The following NIPAL2 variants were observed in gnomAD, a reference collection of about 807,000 sequenced individuals.
The protein encoded by NIPAL2 is NIPA-like protein 2.
A neutral mutation model predicts 48.9 loss-of-function variants in NIPAL2; 43 were observed. The ratio of observed to expected loss-of-function variants is 0.88; its 90% CI spans 0.69 to 1.13. The LOEUF (loss-of-function observed/expected upper bound fraction) is 1.13. Among genes scored for constraint, NIPAL2 ranks in the 50% most tolerant of loss-of-function variants. The pLI is 0.00. For missense variants in NIPAL2, 446 were observed against 461.4 expected, an observed-to-expected ratio of 0.97 and a Z score of 0.31; for synonymous variants, 167 against 174.6, an observed-to-expected ratio of 0.96 and a Z score of 0.34.
chr8:98,269,644 T>C (rs1293982302), intron 1 of NIPAL2, among the ~76,000 whole-genome samples: 1 of 152,082 alleles, frequency 6.6e-6, no homozygotes, highest in Non-Finnish European at 1.5e-5. Context: ...TTATTTTTGG[T>C]TATTGTTTTT....
intron 8 of NIPAL2, among the ~76,000 whole-genome samples, chr8:98,201,789 A>G (rs1473365864): frequency 6.6e-6 from 1 of 152,244 alleles, no homozygotes; most frequent in Non-Finnish European, 1.5e-5. Flanking sequence ...GTCATGGGAT[A>G]GAATATTTTC....
chr8:98,216,907 G>A, intron 5 of NIPAL2: 1 of 367,020 alleles, frequency 2.7e-6, no homozygotes, highest in African/African-American at 2.2e-5. Flanking sequence ...GGGCCTCATG[G>A]TCAAATAAGC....
chr8:98,193,478 C>G, intron 10 of NIPAL2: 2 of 1,496,888 alleles, frequency 1.3e-6, no homozygotes, highest in Non-Finnish European at 1.9e-6. Context: ...ACTTCTAAAG[C>G]TACTACGGAG....
chr8:98,227,684 C>A (rs902525448), intron 4 of NIPAL2, among the ~76,000 whole-genome samples: 2 of 152,190 alleles, frequency 1.3e-5, no homozygotes, highest in African/African-American at 4.8e-5. Context: ...AGAAAGGAGG[C>A]TCTCCCAGAG....
At chr8:98,222,235 G>A (rs1042804355) in intron 5 of NIPAL2, among the ~76,000 whole-genome samples, 5 of 152,082 alleles carry the variant, frequency 3.3e-5, no homozygotes, top group Non-Finnish European at 7.4e-5. Flanking sequence ...TTCCTAAAAC[G>A]TATTGCTCTG....
intron 9 of NIPAL2, among the ~76,000 whole-genome samples, chr8:98,195,374 A>G (rs1189550692): frequency 6.6e-6 from 1 of 152,076 alleles, no homozygotes; most frequent in African/African-American, 2.4e-5. Flanking sequence ...GAAGTGCCTC[A>G]TGGAGTCATG....
At chr8:98,267,234 C>G (rs1323885804) in intron 1 of NIPAL2, among the ~76,000 whole-genome samples, 2 of 151,600 alleles carry the variant, frequency 1.3e-5, no homozygotes, top group Non-Finnish European at 2.9e-5. Context: ...GCTGTAGAAC[C>G]AGAAATAAAA....
chr8:98,280,277 C>T (rs1179723657), intron 1 of NIPAL2, among the ~76,000 whole-genome samples: 1 of 152,188 alleles, frequency 6.6e-6, no homozygotes, highest in Non-Finnish European at 1.5e-5. Context: ...CAGAAAAGCA[C>T]CACAGATTCT....
chr8:98,222,538 C>G lies in NIPAL2; in HGVS notation c.499G>C (p.Ala167Pro), dbSNP rs768556482. ...LVNFAPNITQAISARTVQYYL... is the reference protein window; with the variant it reads ...LVNFAPNITQPISARTVQYYL... ...TACTGTACTGTTCTTGCTGAGATTG[C>G]CTGAGTTATATTTGGAGCAAAGTTC... The change falls in exon 5 of 11, where the codon GCA becomes CCA. Residue 167 changes from alanine (A) to proline (P), a missense_variant. By Grantham distance (27) the Ala-to-Pro change is conservative. Transcript: ENST00000430223. 2 of 1,614,002 alleles carry G rather than the reference C, an allele frequency of 1.2e-6. No homozygotes were observed. Among genetic ancestry groups the G allele is most frequent in the African/African-American group, 1.3e-5 (1 of 75,040 alleles).
intron 8 of NIPAL2, 98 bp downstream of exon 8, chr8:98,203,010 G>A (rs1586298121): frequency 1.1e-6 from 1 of 941,052 alleles, no homozygotes; most frequent in South Asian, 1.5e-5. Context: ...AGGCAACACA[G>A]ATCCTTACAA....
At chr8:98,260,077 G>T (rs893255134) in intron 1 of NIPAL2, among the ~76,000 whole-genome samples, 9 of 152,124 alleles carry the variant, frequency 5.9e-5, no homozygotes, top group African/African-American at 1.7e-4. Context: ...TGAGAAGAAG[G>T]GGGTACAAAA....
chr8:98,286,782 T>G (rs1313801779), intron 1 of NIPAL2, among the ~76,000 whole-genome samples: 1 of 132,258 alleles, frequency 7.6e-6, no homozygotes, highest in Non-Finnish European at 1.5e-5. Flanking sequence ...GCAACTGCAC[T>G]CCAGCCTGAG....
Position 98,205,101 on chromosome 8 carries a change from G to T in NIPAL2, c.791+10C>A. 6.2e-7 allele frequency: 1 copy of T among 1,613,074 alleles called. No homozygotes were observed. The highest frequency in any genetic ancestry group is 8.5e-7 in the Non-Finnish European group (1 of 1,179,448). The stretch of plus-strand genomic sequence containing the variant: ...TTGAAAGATTAGTGAGTATGCAGAA[G>T]CTAACTTACTTGACTTGGAAAACAC... On this transcript the variant is annotated intron_variant, in intron 7 of 10. Coordinates refer to ENST00000430223, the MANE Select transcript of NIPAL2 (RefSeq NM_001321635.2).
chr8:98,195,676 C>T (rs1251504144), intron 9 of NIPAL2: 2 of 336,240 alleles, frequency 5.9e-6, no homozygotes, highest in Non-Finnish European at 1.1e-5. Context: ...GCAGTAACTA[C>T]AAGGGCCAGT....
chr8:98,288,828 C>G (rs540150562), intron 1 of NIPAL2, among the ~76,000 whole-genome samples: 2 of 152,138 alleles, frequency 1.3e-5, no homozygotes, highest in African/African-American at 4.8e-5. Context: ...AATTGTCATA[C>G]GGGAAATATC....
intron 4 of NIPAL2, among the ~76,000 whole-genome samples, chr8:98,225,898 C>A (rs1812151064): frequency 6.6e-6 from 1 of 151,904 alleles, no homozygotes; most frequent in Admixed American, 6.6e-5. Context: ...GTGTTCCATT[C>A]CTTTTTATTC....
In NIPAL2 at chr8:98,191,340, C is replaced by T. The variant is rs1023489704; in HGVS notation, c.*1638G>A. 6 of 152,188 alleles carry T rather than the reference C, an allele frequency of 3.9e-5. No individual in the cohort carries two copies. Among genetic ancestry groups the T allele is most frequent in the Non-Finnish European group, 8.8e-5 (6 of 68,044 alleles). The allele number at this position is 152,188 out of a possible 1,614,324, so 9.4% of individuals were successfully genotyped here. Reference sequence around the variant, plus strand: ...TATGCTGGACCAATTCGGTAAAATACACCATAAATTATGACTGCTTTATCT... The same window carrying T: ...TATGCTGGACCAATTCGGTAAAATATACCATAAATTATGACTGCTTTATCT... On this transcript the variant is annotated 3_prime_UTR_variant, in exon 11 of 11. Coordinates refer to ENST00000430223, the MANE Select transcript of NIPAL2 (RefSeq NM_001321635.2).
At chr8:98,224,882 G>A (rs1181553390) in intron 4 of NIPAL2, among the ~76,000 whole-genome samples, 3 of 150,024 alleles carry the variant, frequency 2.0e-5, no homozygotes, top group South Asian at 2.1e-4. Flanking sequence ...TTAGCCTCCC[G>A]AGTAGCTGGG....
chr8:98,270,832 G>A (rs1815082315), intron 1 of NIPAL2, among the ~76,000 whole-genome samples: 1 of 152,012 alleles, frequency 6.6e-6, no homozygotes, highest in Non-Finnish European at 1.5e-5. Context: ...TAGTTTGAGA[G>A]GTCTTACATT....
Sources: gnomAD v4.1 joint callset for allele counts (sites outside exome capture counted in the v4.1 genomes callset) on GRCh38, gnomAD v4.1.1 for gene constraint, MANE v1.5 for transcripts, NCBI Gene and HGNC (gene_info 2026-07-23, HGNC 2026-07-21) for gene names.